The following RAD51B variants were observed in gnomAD, a reference collection of about 807,000 sequenced individuals.
RAD51B encodes RAD51 paralog B, also known as DNA repair protein RAD51 homolog 2.
Under a neutral mutation model 42.2 loss-of-function variants are expected in RAD51B, and 38 were observed. The ratio of observed to expected loss-of-function variants is 0.90; its 90% CI spans 0.70 to 1.18. RAD51B has a LOEUF of 1.18. Among genes scored for constraint, RAD51B ranks in the 50% most tolerant of loss-of-function variants. RAD51B has a pLI of 0.00. For missense variants in RAD51B, 373 were observed against 400.7 expected (o/e 0.93, Z 0.59); for synonymous variants, 154 against 145.2 (o/e 1.06, Z -0.43).
In RAD51B at chr14:68,340,334, T is replaced by C. The variant is rs61166822; in HGVS notation, c.853+48354T>C. On this transcript the variant is annotated intron_variant, in intron 8 of 10. Coordinates refer to ENST00000471583, the MANE Select transcript of RAD51B (RefSeq NM_133510.4). ...GGGAGATTTACATCTGTAGAGAAAA[T>C]CTACATTGCTGAAATAAACAGCCAG... 9.2e-3 allele frequency among the ~76,000 whole-genome samples: 1,406 copies of C among 152,272 alleles called. 22 individuals carry two copies. The highest frequency in any genetic ancestry group is 0.032 in the African/African-American group (1,341 of 41,550).
At chr14:68,609,427 A>C (rs1891583873) in intron 10 of RAD51B, among the ~76,000 whole-genome samples, 1 of 151,934 alleles carries the variant, frequency 6.6e-6, no homozygotes, top group Admixed American at 6.6e-5. Context: ...GGGCCCCTGG[A>C]GTCTCCTCTC....
At chr14:68,193,502 A>G (rs536307203) in intron 7 of RAD51B, among the ~76,000 whole-genome samples, 1 of 152,318 alleles carries the variant, frequency 6.6e-6, no homozygotes. Context: ...CTGGATGGAA[A>G]CAATGATATT....
rs183207051 is a variant in RAD51B at position 68,652,343 on chromosome 14, A to T, written c.*11+1487A>T. ...CCCTTGTTTTCTCCCTGATACTCCT[A>T]CTCTCTGCCTCCCAGTCTCCCCAGG... On this transcript the variant is annotated intron_variant, in intron 11 of 11. Transcript: ENST00000488612. 5.0e-4 allele frequency among the ~76,000 whole-genome samples: 76 copies of T among 151,534 alleles called. 2 individuals are homozygous for T. Among genetic ancestry groups the T allele is most frequent in the African/African-American group, 1.8e-3 (73 of 41,260 alleles).
chr14:68,521,137 A>G lies in RAD51B; in HGVS notation c.1036+52887A>G, dbSNP rs115697806. 3.0e-3 allele frequency among the ~76,000 whole-genome samples: 457 copies of G among 152,298 alleles called. 3 individuals carry two copies. Among genetic ancestry groups the G allele is most frequent in the African/African-American group, 0.01 (428 of 41,560 alleles). On this transcript the variant is annotated intron_variant, in intron 10 of 10. Coordinates refer to the RAD51B transcript ENST00000487270. Reference sequence around the variant, plus strand: ...TCATAGGGATGGAATGTCTGAGGAGAGGCAACAGCTGGGGCCTGCTCTCTG... The same window carrying G: ...TCATAGGGATGGAATGTCTGAGGAGGGGCAACAGCTGGGGCCTGCTCTCTG...
At chr14:67,954,456 A>T (rs1176663717) in intron 7 of RAD51B, among the ~76,000 whole-genome samples, 1 of 152,196 alleles carries the variant, frequency 6.6e-6, no homozygotes, top group Non-Finnish European at 1.5e-5. Flanking sequence ...AGATGAAAGA[A>T]TTTCAGTGAG....
chr14:68,254,577 A>G (rs1337591498), intron 7 of RAD51B, among the ~76,000 whole-genome samples: 1 of 152,200 alleles, frequency 6.6e-6, no homozygotes, highest in Non-Finnish European at 1.5e-5. Context: ...CTTTGACAAT[A>G]TTGTAGTTGA....
chr14:68,181,116 G>A (rs1443190172), intron 7 of RAD51B, among the ~76,000 whole-genome samples: 4 of 152,152 alleles, frequency 2.6e-5, no homozygotes, highest in African/African-American at 9.7e-5. Context: ...TTTGAAGGTG[G>A]GTTTTAGTCT....
At chr14:68,604,020 C>T (rs1891334472) in intron 10 of RAD51B, among the ~76,000 whole-genome samples, 3 of 152,246 alleles carry the variant, frequency 2.0e-5, no homozygotes, top group Admixed American at 2.0e-4. Context: ...GGCCTCAGGC[C>T]CTGAACTTTG....
At chr14:68,147,379 G>A (rs988632600) in intron 7 of RAD51B, among the ~76,000 whole-genome samples, 1 of 152,112 alleles carries the variant, frequency 6.6e-6, no homozygotes, top group Non-Finnish European at 1.5e-5. Context: ...TAATTTACCT[G>A]TAAGGACCTG....
chr14:68,137,217 A>G (rs2078029462), intron 7 of RAD51B, among the ~76,000 whole-genome samples: 1 of 152,206 alleles, frequency 6.6e-6, no homozygotes, highest in Non-Finnish European at 1.5e-5. Context: ...CGGAGGTTGC[A>G]GTGAGCCGAG....
intron 7 of RAD51B, among the ~76,000 whole-genome samples, chr14:68,158,783 T>C (rs997828170): frequency 9.2e-5 from 14 of 152,228 alleles, no homozygotes; most frequent in Admixed American, 6.5e-4. Context: ...AATAATTTCC[T>C]TTTCCTTTAA....
chr14:68,621,366 C>T (rs1047369600), intron 10 of RAD51B, among the ~76,000 whole-genome samples: 4 of 152,244 alleles, frequency 2.6e-5, no homozygotes, highest in Non-Finnish European at 4.4e-5. Context: ...CACCTTTCTT[C>T]TCTTGCCATT....
At chr14:68,422,655 C>T (rs1003581184) in intron 9 of RAD51B, among the ~76,000 whole-genome samples, 2 of 151,828 alleles carry the variant, frequency 1.3e-5, no homozygotes, top group South Asian at 2.1e-4. Context: ...AAATAAGTCT[C>T]TAGCATTCTG....
chr14:68,276,716 C>T (rs927685695), intron 7 of RAD51B, among the ~76,000 whole-genome samples: 3 of 152,200 alleles, frequency 2.0e-5, no homozygotes, highest in South Asian at 2.1e-4. Context: ...AGAGCAACTG[C>T]TTTAGTGCAA....
intron 7 of RAD51B, among the ~76,000 whole-genome samples, chr14:68,008,215 A>G (rs1450738240): frequency 2.6e-5 from 4 of 152,000 alleles, no homozygotes; most frequent in African/African-American, 9.7e-5. Flanking sequence ...CTTTAATGGC[A>G]TAAATTTATA....
chr14:67,933,516 G>C (rs1433594639), intron 7 of RAD51B, among the ~76,000 whole-genome samples: 1 of 152,136 alleles, frequency 6.6e-6, no homozygotes, highest in Non-Finnish European at 1.5e-5. Context: ...GCTAGTATCA[G>C]GGTTTGTGTG....
At chr14:68,424,779 C>CT (rs33936830) in intron 9 of RAD51B, among the ~76,000 whole-genome samples, 3 of 151,936 alleles carry the variant, frequency 2.0e-5, no homozygotes, top group East Asian at 1.9e-4. Context: ...CCTGTAATCT[C>CT]TTTTTTTTCC....
chr14:68,323,617 C>A (rs2082195877), intron 8 of RAD51B, among the ~76,000 whole-genome samples: 1 of 152,188 alleles, frequency 6.6e-6, no homozygotes, highest in Non-Finnish European at 1.5e-5. Context: ...AATGGTGAAA[C>A]CCCATCTCTA....
At chr14:68,407,933 G>A (rs2084319975) in intron 8 of RAD51B, among the ~76,000 whole-genome samples, 6 of 152,162 alleles carry the variant, frequency 3.9e-5, no homozygotes, top group Admixed American at 3.9e-4. Context: ...AGAATTCTCT[G>A]AAGACACTTG....
Sources: allele counts gnomAD v4.1 joint callset (sites outside exome capture counted in the v4.1 genomes callset), GRCh38; gene constraint gnomAD v4.1.1; transcripts MANE v1.5; gene names NCBI Gene and HGNC (gene_info 2026-07-23, HGNC 2026-07-21).